Variants in PRPSAP2 observed in about 807,000 individuals in gnomAD.
The protein encoded by PRPSAP2 is phosphoribosyl pyrophosphate synthase-associated protein 2.
In PRPSAP2, 24 loss-of-function variants were observed where a neutral mutation model predicts 40.6. The ratio of observed to expected loss-of-function variants is 0.59; its 90% CI spans 0.43 to 0.83. PRPSAP2 has a LOEUF of 0.83. Ranked by LOEUF, PRPSAP2 falls within the 40% of genes least tolerant of loss-of-function variation. PRPSAP2 has a pLI of 0.00. For missense variants in PRPSAP2, 292 were observed against 465.6 expected (o/e 0.63, Z 3.43); for synonymous variants, 149 against 164.7 (o/e 0.90, Z 0.73).
chr17:18,915,324 C>G (rs1214487595), intron 9 of PRPSAP2, among the ~76,000 whole-genome samples: 2 of 152,142 alleles, frequency 1.3e-5, no homozygotes, highest in African/African-American at 4.8e-5. Context: ...CCATGACCAG[C>G]CTACTGTCTG....
Position 18,928,900 on chromosome 17 carries a change from T to C in PRPSAP2, c.894T>C (p.Thr298=). Residue 298 remains threonine (T), a synonymous_variant, in exon 11 of 12, where the codon ACT becomes ACC. Coordinates refer to ENST00000268835, the MANE Select transcript of PRPSAP2 (RefSeq NM_002767.4). The part of the protein sequence containing the change: ...RGAYKIFVMA[T]HGLLSSDAPR... ...CATATAAGATCTTTGTGATGGCAACTCATGGCTTGTTGTCTTCTGACGCCC... is the reference window on the plus strand; with the variant it reads ...CATATAAGATCTTTGTGATGGCAACCCATGGCTTGTTGTCTTCTGACGCCC... The C allele has an allele frequency of 4.3e-6, 7 of 1,614,164 alleles. No individual in the cohort carries two copies. The highest frequency in any genetic ancestry group is 1.6e-4 in the Middle Eastern group (1 of 6,062).
At chr17:18,878,934 A>G (rs2038511030) in intron 6 of PRPSAP2, among the ~76,000 whole-genome samples, 1 of 151,944 alleles carries the variant, frequency 6.6e-6, no homozygotes, top group Non-Finnish European at 1.5e-5. Context: ...CAGTGGTGGC[A>G]CCTCGGCTCA....
At chr17:18,902,099 T>C (rs572772025) in intron 8 of PRPSAP2, among the ~76,000 whole-genome samples, 1 of 152,204 alleles carries the variant, frequency 6.6e-6, no homozygotes, top group Non-Finnish European at 1.5e-5. Flanking sequence ...ACATTTTTTT[T>C]TCTTTCCCAC....
chr17:18,916,463 C>T (rs1237284192), intron 9 of PRPSAP2, among the ~76,000 whole-genome samples: 1 of 151,170 alleles, frequency 6.6e-6, no homozygotes, highest in African/African-American at 2.4e-5. Flanking sequence ...GCAACTTCCA[C>T]CTCCACCTCC....
chr17:18,918,759 T>A (rs1215687125), intron 9 of PRPSAP2, among the ~76,000 whole-genome samples: 6 of 152,074 alleles, frequency 3.9e-5, no homozygotes, highest in Non-Finnish European at 1.5e-5. Context: ...TACATGTGGC[T>A]CCTGCACACT....
intron 3 of PRPSAP2, 82 bp from the exon 4 acceptor site, chr17:18,867,200 G>A (rs1348932137): frequency 5.3e-6 from 7 of 1,312,042 alleles, no homozygotes; most frequent in Admixed American, 2.1e-5. Flanking sequence ...TACTCTTATC[G>A]ATTTACGAGT....
chr17:18,918,316 G>C lies in PRPSAP2; in HGVS notation c.734-5598G>C, dbSNP rs143935982. ...GCGACAGCAAGAGGCCATCCTCAGA[G>C]TGGACCCATGATAGGCCAAGATGGT... is the stretch of plus-strand genomic sequence containing the variant. On this transcript the variant is annotated intron_variant, in intron 9 of 11. Transcript: ENST00000268835. Among the ~76,000 whole-genome samples, 108 of 152,304 alleles carry C rather than the reference G, an allele frequency of 7.1e-4. 1 individual carries two copies. In the East Asian group the frequency reaches 0.02, roughly 29 times the overall value.
In PRPSAP2 at chr17:18,913,541, C is replaced by CTTTTT. The variant is rs35697920; in HGVS notation, c.733+2311_733+2315dup. ...CTGTCTTGATGAATAGCGTCTGGTT[C>CTTTTT]TTTTTTTTTTTTTTTTTTTTTTTTT... is the stretch of plus-strand genomic sequence containing the variant. On this transcript the variant is annotated intron_variant, in intron 9 of 11. Coordinates refer to ENST00000268835, the MANE Select transcript of PRPSAP2 (RefSeq NM_002767.4). Among the ~76,000 whole-genome samples the CTTTTT allele has an allele frequency of 3.0e-3, 219 of 73,952 alleles. 10 individuals are homozygous for CTTTTT. Among genetic ancestry groups the CTTTTT allele is most frequent in the Non-Finnish European group, 3.3e-3 (133 of 40,222 alleles). The allele number at this position is 73,952 out of a possible 152,430, so 48.5% of individuals were successfully genotyped here.
At chr17:18,870,769 G>A (rs1597541586) in intron 4 of PRPSAP2, among the ~76,000 whole-genome samples, 1 of 149,702 alleles carries the variant, frequency 6.7e-6, no homozygotes, top group Non-Finnish European at 1.5e-5. Context: ...GGATCACGCC[G>A]CTGCACTCCA....
At chr17:18,907,909 G>A (rs1428055587) in intron 8 of PRPSAP2, among the ~76,000 whole-genome samples, 1 of 152,130 alleles carries the variant, frequency 6.6e-6, no homozygotes, top group African/African-American at 2.4e-5. Context: ...TGCCAAGGCC[G>A]GCAGATTACC....
At chr17:18,895,769 G>C (rs1312677935) in intron 8 of PRPSAP2, among the ~76,000 whole-genome samples, 2 of 152,020 alleles carry the variant, frequency 1.3e-5, no homozygotes, top group Non-Finnish European at 2.9e-5. Flanking sequence ...GGGATTACAG[G>C]TGTGTGCCAC....
chr17:18,858,599 TCTC>T (rs766677884), intron 1 of PRPSAP2: 5 of 152,284 alleles, frequency 3.3e-5, no homozygotes, highest in Admixed American at 6.5e-5. Flanking sequence ...ACCCAGCCAT[TCTC>T]CGTCCCTAAG....
At chr17:18,878,765 CA>C (rs2038493371) in intron 6 of PRPSAP2, among the ~76,000 whole-genome samples, 1 of 152,198 alleles carries the variant, frequency 6.6e-6, no homozygotes, top group African/African-American at 2.4e-5. Context: ...CCATGTTGGT[CA>C]GGCTGGTCTC....
At chr17:18,898,528 A>G (rs8073436) in intron 8 of PRPSAP2, among the ~76,000 whole-genome samples, 80,362 of 151,976 alleles carry the variant, frequency 0.53, 21,498 homozygotes, top group Middle Eastern at 0.6. Flanking sequence ...GTTCCTTTTC[A>G]TTCTTGAAGG....
chr17:18,897,377 TTTTC>T (rs370975879), intron 8 of PRPSAP2, among the ~76,000 whole-genome samples: 116 of 152,196 alleles, frequency 7.6e-4, no homozygotes, highest in African/African-American at 2.6e-3. Context: ...TTTTTAGAGT[TTTTC>T]TTTCTTTCAT....
chr17:18,908,934 C>T (rs930492592), intron 8 of PRPSAP2: 30 of 379,240 alleles, frequency 7.9e-5, no homozygotes, highest in Admixed American at 1.2e-4. Flanking sequence ...CCCTCCTTTT[C>T]GGTTTGTTTT....
At chr17:18,880,175 A>G (rs2038627448) in intron 6 of PRPSAP2, among the ~76,000 whole-genome samples, 1 of 152,226 alleles carries the variant, frequency 6.6e-6, no homozygotes, top group Non-Finnish European at 1.5e-5. Context: ...TATGACAGGC[A>G]GCTGGTGAGG....
intron 8 of PRPSAP2, among the ~76,000 whole-genome samples, chr17:18,909,882 T>A (rs894916707): frequency 6.6e-6 from 1 of 151,860 alleles, no homozygotes; most frequent in Non-Finnish European, 1.5e-5. Flanking sequence ...AGAGTGAGAC[T>A]CTGTCTCAAA....
intron 4 of PRPSAP2, among the ~76,000 whole-genome samples, chr17:18,870,051 G>A (rs978039299): frequency 2.0e-5 from 3 of 151,960 alleles, no homozygotes; most frequent in African/African-American, 7.3e-5. Flanking sequence ...CTTTCACCAT[G>A]TTGGCCAGGT....
Sources: gnomAD v4.1 joint callset for allele counts (sites outside exome capture counted in the v4.1 genomes callset) on GRCh38, gnomAD v4.1.1 for gene constraint, MANE v1.5 for transcripts, NCBI Gene and HGNC (gene_info 2026-07-23, HGNC 2026-07-21) for gene names.